Variants in NCOA1 observed in about 807,000 individuals in gnomAD.
NCOA1 encodes the protein nuclear receptor coactivator 1, also known as Hin-2 protein.
A neutral mutation model predicts 150.9 loss-of-function variants in NCOA1; 35 were observed. That is an observed-to-expected ratio of 0.23 (90% CI 0.18 to 0.31). The LOEUF is 0.31. Among genes scored for constraint, NCOA1 ranks in the 10% least tolerant of loss-of-function variants. The probability of loss-of-function intolerance (pLI) is 1.00; values close to 1 mark genes in which losing one functional copy is unlikely to be tolerated. For synonymous variants in NCOA1, 590 were observed against 630.0 expected (o/e 0.94, Z 0.95); for missense variants, 1,491 against 1,749.3 (o/e 0.85, Z 2.63).
At chr2:24,545,293 CAG>C (rs1003453298) in intron 1 of NCOA1, among the ~76,000 whole-genome samples, 7 of 152,172 alleles carry the variant, frequency 4.6e-5, no homozygotes, top group Non-Finnish European at 2.9e-5. Flanking sequence ...TGCAAAAGGA[CAG>C]GGGGTTGGTA....
At chr2:24,748,285 A>G (rs900510986) in intron 19 of NCOA1, among the ~76,000 whole-genome samples, 3 of 151,990 alleles carry the variant, frequency 2.0e-5, no homozygotes, top group South Asian at 2.1e-4. Flanking sequence ...AGTTAGGTCA[A>G]CTTCCACAGA....
Position 24,532,005 on chromosome 2 carries a change from A to G in NCOA1, c.-395-32290A>G, listed in dbSNP as rs960026515. Among the ~76,000 whole-genome samples, 9 of 152,156 alleles carry G rather than the reference A, an allele frequency of 5.9e-5. No individual in the cohort carries two copies. The East Asian group carries it at 1.7e-3, about 29-fold the overall frequency. ...GATTGCTGGGTCAAATGGTATTTCT[A>G]GTTCTAGATCCTTGAGGAATTGCTA... On this transcript the variant is annotated intron_variant, in intron 1 of 22. Transcript: ENST00000348332.
rs759608871 is a variant in NCOA1, at chr2:24,707,838, C to T, written c.2368C>T (p.Pro790Ser). ...GGATCCATGTAATACAAACCCAACC[C>T]CAATGACCAAACCCACTCCTGAGGA... Reference protein sequence around the residue: ...QMDPCNTNPTPMTKPTPEEIK... With the variant: ...QMDPCNTNPTSMTKPTPEEIK... Residue 790 changes from proline to serine, a missense_variant, in exon 13 of 23, where the codon CCA becomes TCA. By Grantham distance (74) the Pro-to-Ser change is moderately conservative. This residue lies in a region of NCOA1 where 703 missense variants were observed against 717.7 expected (regional missense o/e 0.98). Transcript: ENST00000348332. 6.3e-5 allele frequency: 102 copies of T among 1,612,566 alleles called. No homozygotes were observed. Among genetic ancestry groups the T allele is most frequent in the Non-Finnish European group, 1.4e-5 (16 of 1,179,670 alleles).
chr2:24,762,610 A>G, intron 21 of NCOA1, 77 bp from the exon 22 acceptor site: 3 of 1,255,972 alleles, frequency 2.4e-6, no homozygotes, highest in African/African-American at 1.5e-5. Flanking sequence ...TGTCAGTGAG[A>G]TTGTTTTTCA....
At chr2:24,531,270 T>C (rs1245429095) in intron 1 of NCOA1, among the ~76,000 whole-genome samples, 1 of 152,110 alleles carries the variant, frequency 6.6e-6, no homozygotes, top group Non-Finnish European at 1.5e-5. Context: ...ATCACCACCT[T>C]GTAAAGATAT....
intron 2 of NCOA1, among the ~76,000 whole-genome samples, chr2:24,566,928 G>A (rs951779161): frequency 6.6e-6 from 1 of 152,230 alleles, no homozygotes; most frequent in Non-Finnish European, 1.5e-5. Flanking sequence ...GTCCCTAAGA[G>A]TGCAGAGAAG....
At chr2:24,758,818 T>TAA (rs560854944) in intron 21 of NCOA1, among the ~76,000 whole-genome samples, 58 of 144,832 alleles carry the variant, frequency 4.0e-4, no homozygotes, top group East Asian at 1.2e-3. Context: ...CTGTCTCTAC[T>TAA]AAAAAAAAAA....
intron 3 of NCOA1, among the ~76,000 whole-genome samples, chr2:24,616,727 G>C (rs1042907595): frequency 3.9e-5 from 6 of 152,080 alleles, no homozygotes; most frequent in Non-Finnish European, 8.8e-5. Context: ...ATGTACTGTA[G>C]TCCTGCTCAG....
chr2:24,510,842 T>C (rs1663907212), intron 1 of NCOA1, among the ~76,000 whole-genome samples: 1 of 152,212 alleles, frequency 6.6e-6, no homozygotes, highest in East Asian at 1.9e-4. Context: ...AGTTTTCCCA[T>C]TTTCTTGAGA....
intron 3 of NCOA1, among the ~76,000 whole-genome samples, chr2:24,620,535 G>A (rs1669093365): frequency 6.6e-6 from 1 of 152,150 alleles, no homozygotes. Context: ...CTTGAACCTG[G>A]GAGGCGGAGG....
intron 3 of NCOA1, among the ~76,000 whole-genome samples, chr2:24,639,652 G>A (rs983089204): frequency 1.9e-4 from 29 of 151,678 alleles, no homozygotes; most frequent in Admixed American, 7.9e-4. Flanking sequence ...ACTTTGGGAG[G>A]CCGAGGCAGG....
At position 24,584,549 on chromosome 2, in the gene NCOA1, G is replaced by A. The variant is rs1313769247; in HGVS notation, c.-186G>A. On this transcript the variant is annotated 5_prime_UTR_variant, in exon 3 of 23. Transcript: ENST00000348332. Reference sequence around the variant, plus strand: ...ACTAAATACTACTCTGAGGGGCTTAGAAATTAACAGGGTAAGTTGAATATC... The same window carrying A: ...ACTAAATACTACTCTGAGGGGCTTAAAAATTAACAGGGTAAGTTGAATATC... 6.6e-6 allele frequency: 1 copy of A among 152,180 alleles called. No individual in the cohort carries two copies. The highest frequency in any genetic ancestry group is 2.4e-5 in the African/African-American group (1 of 41,440). The allele number at this position is 152,180 out of a possible 1,614,324, so 9.4% of individuals were successfully genotyped here.
intron 9 of NCOA1, among the ~76,000 whole-genome samples, chr2:24,692,993 G>A (rs1473610872): frequency 1.3e-5 from 2 of 152,000 alleles, no homozygotes; most frequent in Admixed American, 6.6e-5. Flanking sequence ...CCCGAGTAGC[G>A]GGGACTGCAG....
intron 2 of NCOA1, among the ~76,000 whole-genome samples, chr2:24,572,035 A>C (rs142850568): frequency 1.6e-3 from 239 of 152,260 alleles, no homozygotes; most frequent in Middle Eastern, 6.8e-3. Context: ...TTGACTTTAC[A>C]TAGATTACAT....
At position 24,752,017 on chromosome 2, in the gene NCOA1, T is replaced by C. The variant is rs746851000; in HGVS notation, c.3742T>C (p.Ser1248Pro). 11 of 1,613,732 alleles carry C rather than the reference T, an allele frequency of 6.8e-6. No homozygotes were observed. In the East Asian group the frequency reaches 2.2e-4, roughly 33 times the overall value. Residue 1248 changes from serine to proline, a missense_variant, in exon 20 of 23, where the codon TCT becomes CCT. Physicochemically the swap from Ser to Pro is moderately conservative, Grantham distance 74. Coordinates refer to ENST00000348332, the MANE Select transcript of NCOA1 (RefSeq NM_003743.5). ...CCAAGGTGAGGCCAACTTTGCTCCA[T>C]CTCTAAGCCCTGGGAGCTCCATGGT... is the stretch of plus-strand genomic sequence containing the variant. The part of the protein sequence containing the change: ...VPQGEANFAP[S>P]LSPGSSMVPM...
chr2:24,608,680 T>C (rs1474869198), intron 3 of NCOA1, among the ~76,000 whole-genome samples: 2 of 150,940 alleles, frequency 1.3e-5, no homozygotes, highest in East Asian at 3.9e-4. Flanking sequence ...TTTTTTTGTT[T>C]TGTTTTTTTC....
intron 4 of NCOA1, among the ~76,000 whole-genome samples, chr2:24,657,375 A>G (rs999672933): frequency 6.6e-6 from 1 of 152,242 alleles, no homozygotes; most frequent in Non-Finnish European, 1.5e-5. Context: ...GGAAGAGACA[A>G]TCTTGTTAAG....
intron 3 of NCOA1, among the ~76,000 whole-genome samples, chr2:24,643,093 A>G (rs777931658): frequency 2.6e-5 from 4 of 152,244 alleles, no homozygotes; most frequent in Non-Finnish European, 5.9e-5. Context: ...ATTGTAAAAA[A>G]GACATACAAA....
chr2:24,567,250 T>G (rs553536921), intron 2 of NCOA1, among the ~76,000 whole-genome samples: 10 of 152,362 alleles, frequency 6.6e-5, no homozygotes, highest in Admixed American at 5.9e-4. Flanking sequence ...TTAGTAGATG[T>G]ATTGTACTTT....
Sources: allele counts gnomAD v4.1 joint callset (sites outside exome capture counted in the v4.1 genomes callset), GRCh38; gene constraint gnomAD v4.1.1; regional missense constraint gnomAD v4.1.1; transcripts MANE v1.5; gene names NCBI Gene and HGNC (gene_info 2026-07-23, HGNC 2026-07-21).